The following ALKBH1 variants were observed in gnomAD, a reference collection of about 807,000 sequenced individuals.
ALKBH1 encodes the protein alkB homolog 1, histone H2A dioxygenase.
A neutral mutation model predicts 36.6 loss-of-function variants in ALKBH1; 31 were observed. The observed-to-expected ratio is 0.85, with a 90% CI of 0.64 to 1.14. ALKBH1 has a LOEUF of 1.14. ALKBH1 is among the 50% of genes most tolerant of loss of function. The probability of loss-of-function intolerance (pLI) is 0.00; values close to 1 mark genes in which losing one functional copy is unlikely to be tolerated. For missense variants in ALKBH1, 490 were observed against 497.3 expected (o/e 0.99, Z 0.14); for synonymous variants, 183 against 186.6 (o/e 0.98, Z 0.16).
At chr14:77,684,930 A>G (rs919785937) in intron 3 of ALKBH1, among the ~76,000 whole-genome samples, 6 of 152,238 alleles carry the variant, frequency 3.9e-5, no homozygotes, top group African/African-American at 1.4e-4. Flanking sequence ...TGCTTTGGAA[A>G]TAATTCAAAA....
chr14:77,686,844 G>C (rs1049123474), intron 3 of ALKBH1, among the ~76,000 whole-genome samples: 1 of 152,216 alleles, frequency 6.6e-6, no homozygotes, highest in South Asian at 2.1e-4. Context: ...GGATGGTCTC[G>C]ATTTCTTGAC....
intron 4 of ALKBH1, among the ~76,000 whole-genome samples, chr14:77,676,696 G>C (rs145825399): frequency 1.7e-3 from 252 of 152,250 alleles, no homozygotes; most frequent in Middle Eastern, 0.01. Context: ...TAATAATAGG[G>C]GGAGAGCACG....
rs752630347 is a variant in ALKBH1, at chr14:77,679,862, T to C, written c.546+18A>G. 6.2e-7 allele frequency: 1 copy of C among 1,601,100 alleles called. No individual in the cohort carries two copies. The highest frequency in any genetic ancestry group is 8.6e-7 in the Non-Finnish European group (1 of 1,169,094). On this transcript the variant is annotated intron_variant, in intron 4 of 5. Coordinates refer to ENST00000216489, the MANE Select transcript of ALKBH1 (RefSeq NM_006020.3). ...AGCCTATAAACAGAAAACAAAAGAA[T>C]TAAGAAAACCTGAATACCTTACTGT... is the stretch of plus-strand genomic sequence containing the variant.
In ALKBH1 at chr14:77,673,730, G is replaced by A. The variant is rs1406953886; in HGVS notation, c.*82C>T. The A allele has an allele frequency of 7.1e-7, 1 of 1,410,228 alleles. No individual in the cohort carries two copies. Among genetic ancestry groups the A allele is most frequent in the Non-Finnish European group, 9.7e-7 (1 of 1,031,416 alleles). The allele number at this position is 1,410,228 out of a possible 1,614,324, so 87.4% of individuals were successfully genotyped here. On this transcript the variant is annotated 3_prime_UTR_variant, in exon 6 of 6. Coordinates refer to ENST00000216489, the MANE Select transcript of ALKBH1 (RefSeq NM_006020.3). Reference sequence around the variant, plus strand: ...GTCTCTGTTTTTGGCTTGTCTGGGTGCTGAAGTCCACGGCAATACACAATA... The same window carrying A: ...GTCTCTGTTTTTGGCTTGTCTGGGTACTGAAGTCCACGGCAATACACAATA...
intron 3 of ALKBH1, among the ~76,000 whole-genome samples, chr14:77,681,703 G>A (rs1275111957): frequency 1.3e-5 from 2 of 152,180 alleles, no homozygotes; most frequent in Non-Finnish European, 2.9e-5. Context: ...GTTAAGAGTG[G>A]CTTACTGCAC....
chr14:77,683,451 C>A, intron 3 of ALKBH1: 1 of 739,896 alleles, frequency 1.4e-6, no homozygotes, highest in East Asian at 2.5e-5. Context: ...CTTACTTGTT[C>A]ACAACAATGC....
chr14:77,688,553 CTTTTT>C (rs11395756), intron 3 of ALKBH1, among the ~76,000 whole-genome samples: 35 of 125,952 alleles, frequency 2.8e-4, no homozygotes, highest in Non-Finnish European at 3.4e-4. Flanking sequence ...TGCACCCAGC[CTTTTT>C]TTTTTTTTTT....
rs772317149 is a variant in ALKBH1 at position 77,707,920 on chromosome 14, A to G, written c.85T>C (p.Phe29Leu). Reference sequence around the variant, plus strand: ...GTCCCGGGCCGGCTCTGACGGTAGAAGCGGAAAAGTTTCCGAAAGGCGTCC... The same window carrying G: ...GTCCCGGGCCGGCTCTGACGGTAGAGGCGGAAAAGTTTCCGAAAGGCGTCC... ...GEDAFRKLFR[F>L]YRQSRPGTAD... The change falls in exon 1 of 6, where the codon TTC (phenylalanine) becomes CTC (leucine). Residue 29 changes from phenylalanine (F) to leucine (L), a missense_variant. Physicochemically the swap from Phe to Leu is conservative, Grantham distance 22. Transcript: ENST00000216489. The G allele has an allele frequency of 1.2e-6, 2 of 1,613,320 alleles. No homozygotes were observed. The highest frequency in any genetic ancestry group is 1.7e-6 in the Non-Finnish European group (2 of 1,179,956).
chr14:77,689,512 T>A (rs983015346), intron 3 of ALKBH1, among the ~76,000 whole-genome samples: 1 of 152,168 alleles, frequency 6.6e-6, no homozygotes, highest in Non-Finnish European at 1.5e-5. Context: ...ATTGGACTAA[T>A]AAAGAGGGAA....
At chr14:77,681,231 T>A (rs774913520) in intron 3 of ALKBH1, among the ~76,000 whole-genome samples, 9 of 152,078 alleles carry the variant, frequency 5.9e-5, no homozygotes, top group Non-Finnish European at 1.2e-4. Context: ...GAACGCAGTA[T>A]AAAGTCTAGT....
At chr14:77,693,363 A>G (rs974044433) in intron 3 of ALKBH1, among the ~76,000 whole-genome samples, 2 of 152,086 alleles carry the variant, frequency 1.3e-5, no homozygotes, top group Admixed American at 6.6e-5. Flanking sequence ...ATTGTATCTA[A>G]TTATCTGTTT....
intron 4 of ALKBH1, among the ~76,000 whole-genome samples, chr14:77,678,561 A>C (rs569688467): frequency 2.0e-5 from 3 of 146,724 alleles, no homozygotes; most frequent in South Asian, 2.2e-4. Context: ...AAAAAAAAAA[A>C]CAGACAAAGT....
intron 3 of ALKBH1, among the ~76,000 whole-genome samples, chr14:77,687,105 A>G (rs2080272188): frequency 6.6e-6 from 1 of 152,124 alleles, no homozygotes; most frequent in South Asian, 2.1e-4. Flanking sequence ...ATTCATCTCA[A>G]GTCCTTAGTT....
At chr14:77,700,095 G>A (rs2080351359) in intron 2 of ALKBH1, among the ~76,000 whole-genome samples, 1 of 151,756 alleles carries the variant, frequency 6.6e-6, no homozygotes, top group Admixed American at 6.6e-5. Context: ...ATAAATACTA[G>A]GCTCTAACCA....
chr14:77,686,610 G>C (rs1050340067), intron 3 of ALKBH1, among the ~76,000 whole-genome samples: 3 of 152,070 alleles, frequency 2.0e-5, no homozygotes, highest in African/African-American at 7.2e-5. Flanking sequence ...GTAAGCGTTG[G>C]CATTTCTCTT....
intron 2 of ALKBH1, among the ~76,000 whole-genome samples, chr14:77,698,668 G>A (rs1292816812): frequency 1.3e-5 from 2 of 152,214 alleles, no homozygotes; most frequent in Non-Finnish European, 2.9e-5. Flanking sequence ...TTCAGTTCCT[G>A]GTTGAACTCC....
intron 3 of ALKBH1, chr14:77,683,536 A>G (rs2080250427): frequency 1.6e-6 from 1 of 627,082 alleles, no homozygotes; most frequent in Non-Finnish European, 2.9e-6. Context: ...TCCTTTTTGA[A>G]CAGTACCCAT....
At chr14:77,680,623 C>T (rs567402873) in intron 3 of ALKBH1, among the ~76,000 whole-genome samples, 2 of 150,210 alleles carry the variant, frequency 1.3e-5, no homozygotes, top group Non-Finnish European at 3.0e-5. Flanking sequence ...ACAACCGAGA[C>T]GTGCTCTTTC....
intron 3 of ALKBH1, among the ~76,000 whole-genome samples, chr14:77,685,499 G>A (rs1464791685): frequency 1.3e-5 from 2 of 151,412 alleles, no homozygotes; most frequent in African/African-American, 4.9e-5. Flanking sequence ...GCTTTGAGCT[G>A]GGCGTGGTGG....
Sources: gnomAD v4.1 joint callset for allele counts (sites outside exome capture counted in the v4.1 genomes callset) on GRCh38, gnomAD v4.1.1 for gene constraint, MANE v1.5 for transcripts, NCBI Gene and HGNC (gene_info 2026-07-23, HGNC 2026-07-21) for gene names.